Variants in CTDSPL2 observed in about 807,000 individuals in gnomAD.
CTDSPL2 encodes CTD small phosphatase like 2, also known as CTD small phosphatase-like protein 2.
CTDSPL2 carries 5 observed loss-of-function variants against 60.0 expected under a neutral mutation model. The observed-to-expected ratio is 0.08, with a 90% CI of 0.04 to 0.18. The LOEUF (loss-of-function observed/expected upper bound fraction) is 0.18. Among genes scored for constraint, CTDSPL2 ranks in the 10% least tolerant of loss-of-function variants. The pLI is 1.00. For synonymous variants in CTDSPL2, 186 were observed against 189.3 expected, an observed-to-expected ratio of 0.98 and a Z score of 0.14; for missense variants, 370 against 548.8, an observed-to-expected ratio of 0.67 and a Z score of 3.26.
At position 44,482,375 on chromosome 15, in the gene CTDSPL2, C is replaced by T. The variant is rs1031607715; in HGVS notation, c.187-1849C>T. ...AACTAATCTGCCCCAACATACCTCT[C>T]TCCCCTTCTGGACCCATTTTTTCCA... On this transcript the variant is annotated intron_variant, in intron 2 of 12. Transcript: ENST00000260327. 1.6e-4 allele frequency among the ~76,000 whole-genome samples: 24 copies of T among 152,224 alleles called. 1 individual carries two copies. The highest frequency in any genetic ancestry group is 4.8e-4 in the African/African-American group (20 of 41,450).
intron 1 of CTDSPL2, among the ~76,000 whole-genome samples, chr15:44,434,401 G>GA (rs1247448779): frequency 6.6e-5 from 10 of 150,594 alleles, no homozygotes; most frequent in Non-Finnish European, 1.5e-4. Context: ...TCAGTCTCAA[G>GA]AAAAAAAAAG....
intron 12 of CTDSPL2, 114 bp from the exon 13 acceptor site, chr15:44,523,995 A>T: frequency 1.3e-6 from 1 of 767,176 alleles, no homozygotes; most frequent in South Asian, 1.6e-5. Flanking sequence ...GGCAAATAAA[A>T]TATGTCATAA....
In CTDSPL2 at chr15:44,457,601, G is replaced by C. The variant is rs139712587; in HGVS notation, c.-24-1390G>C. On this transcript the variant is annotated intron_variant, in intron 1 of 12. Transcript: ENST00000260327. ...TATTGGTGTGGCACTTTTTTGGTTG[G>C]GGGGGGTGGTGCGGGGTGGGAGAGG... Among the ~76,000 whole-genome samples, 60 of 151,884 alleles carry C rather than the reference G, an allele frequency of 4.0e-4. 1 individual carries two copies. The East Asian group carries it at 9.1e-3, about 23-fold the overall frequency.
chr15:44,516,040 G>A (rs1329103655), intron 10 of CTDSPL2, among the ~76,000 whole-genome samples: 1 of 145,078 alleles, frequency 6.9e-6, no homozygotes, highest in East Asian at 2.1e-4. Context: ...CTGGAGTGCA[G>A]TTTGCAATCT....
chr15:44,433,795 C>CA (rs1203207805), intron 1 of CTDSPL2, among the ~76,000 whole-genome samples: 3 of 149,202 alleles, frequency 2.0e-5, no homozygotes, highest in Admixed American at 6.7e-5. Flanking sequence ...ACTAAAAATA[C>CA]AAAAAAAATT....
At chr15:44,514,870 A>C (rs2081622396) in intron 10 of CTDSPL2, 26 bp downstream of exon 10, 1 of 1,293,200 alleles carries the variant, frequency 7.7e-7, no homozygotes, top group Non-Finnish European at 1.1e-6. Flanking sequence ...AAATAGTGGA[A>C]ATGTCTGTCA....
intron 12 of CTDSPL2, 111 bp downstream of exon 12, chr15:44,521,517 AG>A: frequency 3.5e-6 from 2 of 573,670 alleles, no homozygotes; most frequent in Non-Finnish European, 5.9e-6. Flanking sequence ...GTCAACTGTG[AG>A]CCAGGTCACA....
intron 5 of CTDSPL2, among the ~76,000 whole-genome samples, chr15:44,495,106 G>A (rs943998514): frequency 2.0e-5 from 3 of 152,044 alleles, no homozygotes; most frequent in African/African-American, 7.2e-5. Flanking sequence ...TGAATAGCTG[G>A]GATTACAGGC....
chr15:44,499,931 G>A, intron 8 of CTDSPL2, 118 bp downstream of exon 8: 1 of 584,452 alleles, frequency 1.7e-6, no homozygotes. Context: ...GAAGTATAAT[G>A]GATTTCATCA....
chr15:44,499,084 G>A (rs937487185), intron 7 of CTDSPL2, among the ~76,000 whole-genome samples: 2 of 151,910 alleles, frequency 1.3e-5, no homozygotes, highest in African/African-American at 4.8e-5. Flanking sequence ...TCTCAAACTT[G>A]AGCATGTGTC....
At chr15:44,448,809 G>GA (rs908584290) in intron 1 of CTDSPL2, 285 of 344,388 alleles carry the variant, frequency 8.3e-4, no homozygotes, top group South Asian at 1.7e-3. Flanking sequence ...GCTTAGGAGG[G>GA]AAAAAAAAAT....
At chr15:44,436,378 A>T (rs2079982358) in intron 1 of CTDSPL2, among the ~76,000 whole-genome samples, 1 of 152,168 alleles carries the variant, frequency 6.6e-6, no homozygotes, top group African/African-American at 2.4e-5. Flanking sequence ...TGTCTTAATG[A>T]GGTTGCTGCA....
intron 4 of CTDSPL2, among the ~76,000 whole-genome samples, chr15:44,489,939 G>A (rs1380356278): frequency 6.6e-6 from 1 of 152,080 alleles, no homozygotes; most frequent in East Asian, 1.9e-4. Flanking sequence ...TTAGTATATT[G>A]GTATGGGAGA....
intron 8 of CTDSPL2, among the ~76,000 whole-genome samples, chr15:44,505,345 C>A (rs1442427532): frequency 6.6e-6 from 1 of 152,048 alleles, no homozygotes; most frequent in African/African-American, 2.4e-5. Context: ...TCACCGGAAC[C>A]CCGAGAGCTT....
intron 5 of CTDSPL2, among the ~76,000 whole-genome samples, chr15:44,492,302 A>G (rs1021075744): frequency 3.9e-5 from 6 of 152,184 alleles, no homozygotes; most frequent in Non-Finnish European, 8.8e-5. Flanking sequence ...AGCCACTGCA[A>G]TCCAGCCTAG....
In CTDSPL2 at chr15:44,437,418, AT is replaced by A. The variant is rs2079999734; in HGVS notation, c.-25+9648del. Among the ~76,000 whole-genome samples, 4 of 152,358 alleles carry A rather than the reference AT, an allele frequency of 2.6e-5. No homozygotes were observed. The South Asian group carries it at 8.3e-4, about 32-fold the overall frequency. On this transcript the variant is annotated intron_variant, in intron 1 of 12. Transcript: ENST00000260327. ...ATGCTTTTATCATTATTGTAATCAT[AT>A]TGTTAATACAAGGCAATTTGAAACC...
At chr15:44,453,986 T>G (rs1025897168) in intron 1 of CTDSPL2, among the ~76,000 whole-genome samples, 1 of 152,250 alleles carries the variant, frequency 6.6e-6, no homozygotes, top group African/African-American at 2.4e-5. Context: ...TTCTAGATCC[T>G]TGAGGAATTG....
chr15:44,510,888 T>G (rs1217279974), intron 8 of CTDSPL2, among the ~76,000 whole-genome samples: 1 of 152,238 alleles, frequency 6.6e-6, no homozygotes, highest in Non-Finnish European at 1.5e-5. Flanking sequence ...TCTTTATTTG[T>G]TCTTACCAGA....
At chr15:44,452,529 G>A (rs1046014799) in intron 1 of CTDSPL2, among the ~76,000 whole-genome samples, 2 of 152,046 alleles carry the variant, frequency 1.3e-5, no homozygotes, top group Non-Finnish European at 2.9e-5. Flanking sequence ...TATTGTGAAC[G>A]TGTTTACATT....
Sources: allele counts gnomAD v4.1 joint callset (sites outside exome capture counted in the v4.1 genomes callset), GRCh38; gene constraint gnomAD v4.1.1; transcripts MANE v1.5; gene names NCBI Gene and HGNC (gene_info 2026-07-23, HGNC 2026-07-21).